The following TAFA5 variants were observed in gnomAD, a reference collection of about 807,000 sequenced individuals.
TAFA5 encodes the protein TAFA chemokine like family member 5, also known as chemokine-like protein TAFA-5.
TAFA5 carries 6 observed loss-of-function variants against 15.3 expected under a neutral mutation model. That is an observed-to-expected ratio of 0.39 (90% CI 0.21 to 0.77). The LOEUF is 0.77. Ranked by LOEUF, TAFA5 falls within the 30% of genes least tolerant of loss-of-function variation. The pLI is 0.41. For missense variants in TAFA5, 161 were observed against 193.1 expected, an observed-to-expected ratio of 0.83 and a Z score of 0.98; for synonymous variants, 103 against 80.7, an observed-to-expected ratio of 1.28 and a Z score of -1.48.
rs1253952808 is a variant in TAFA5 at position 48,668,695 on chromosome 22, G to C, written c.262+21949G>C. Among the ~76,000 whole-genome samples, 4 of 147,094 alleles carry C rather than the reference G, an allele frequency of 2.7e-5. 1 individual carries two copies. The highest frequency in any genetic ancestry group is 6.0e-5 in the Non-Finnish European group (4 of 66,330). ...CGGGAGCTGTAATCCCCCAGCACTC[G>C]GGGCCGCGTTTTCACTGGAAACTGT... On this transcript the variant is annotated intron_variant, in intron 2 of 3. Transcript: ENST00000402357.
rs1444423671 is a variant in TAFA5 at position 48,490,079 on chromosome 22, G to C, written c.112+375G>C. Among the ~76,000 whole-genome samples the C allele has an allele frequency of 1.3e-5, 2 of 152,124 alleles. No individual in the cohort carries two copies. Among genetic ancestry groups the C allele is most frequent in the African/African-American group, 4.8e-5 (2 of 41,550 alleles). On this transcript the variant is annotated intron_variant, in intron 1 of 3. Coordinates refer to ENST00000402357, the MANE Select transcript of TAFA5 (RefSeq NM_001082967.3). This position sits in a 1 kb window ranked among gnomAD's most constrained non-coding sequence, Gnocchi z 5.8. Reference sequence around the variant, plus strand: ...CCGCAGGTCGCGGAGGGCGGGCGGCGCTGCCGGGGTGTCTGCGGAGCGCCC... The same window carrying C: ...CCGCAGGTCGCGGAGGGCGGGCGGCCCTGCCGGGGTGTCTGCGGAGCGCCC...
intron 1 of TAFA5, chr22:48,545,258 C>G (rs1922622028): frequency 3.9e-6 from 1 of 258,668 alleles, no homozygotes; most frequent in Non-Finnish European, 7.7e-6. Context: ...CGTAAGGCCT[C>G]TGGTCTCGGA....
At chr22:48,535,749 G>A (rs906243050) in intron 1 of TAFA5, among the ~76,000 whole-genome samples, 19 of 149,298 alleles carry the variant, frequency 1.3e-4, no homozygotes, top group Non-Finnish European at 1.8e-4. Context: ...TCACACGCAC[G>A]GTCACACTGG....
intron 2 of TAFA5, among the ~76,000 whole-genome samples, chr22:48,690,593 C>G (rs1928508904): frequency 6.6e-6 from 1 of 152,182 alleles, no homozygotes; most frequent in African/African-American, 2.4e-5. Flanking sequence ...TGCTGTCACC[C>G]TCTTATCTTT....
At chr22:48,699,700 C>T (rs949628844) in intron 2 of TAFA5, among the ~76,000 whole-genome samples, 5 of 152,310 alleles carry the variant, frequency 3.3e-5, no homozygotes, top group East Asian at 1.9e-4. Context: ...ATGTCTCTTT[C>T]GGGTGAAGAC....
chr22:48,524,528 G>A (rs1244154861), intron 1 of TAFA5, among the ~76,000 whole-genome samples: 4 of 152,222 alleles, frequency 2.6e-5, no homozygotes, highest in African/African-American at 4.8e-5. Context: ...AGCCTGAGAT[G>A]CGGAAGAGGC....
At chr22:48,540,302 G>A (rs979230368) in intron 1 of TAFA5, among the ~76,000 whole-genome samples, 2 of 152,146 alleles carry the variant, frequency 1.3e-5, no homozygotes, top group Non-Finnish European at 2.9e-5. Flanking sequence ...CCAGGGCGGT[G>A]GGGGGAGGTG....
intron 3 of TAFA5, among the ~76,000 whole-genome samples, 179 bp downstream of exon 3, chr22:48,708,023 C>T (rs1929136977): frequency 6.7e-5 from 1 of 14,892 alleles, no homozygotes; most frequent in Admixed American, 7.1e-4. Context: ...TCCTGACCAT[C>T]TGTCCTGGGG....
intron 1 of TAFA5, among the ~76,000 whole-genome samples, chr22:48,592,847 C>T (rs575461353): frequency 6.6e-6 from 1 of 152,232 alleles, no homozygotes; most frequent in African/African-American, 2.4e-5. Flanking sequence ...TGGAGCTTCC[C>T]TGGAATCCCT....
At chr22:48,616,842 G>A (rs1217184856) in intron 1 of TAFA5, among the ~76,000 whole-genome samples, 1 of 152,206 alleles carries the variant, frequency 6.6e-6, no homozygotes, top group Non-Finnish European at 1.5e-5. Context: ...AGGTCCGTGG[G>A]GACCCCTAGG....
chr22:48,611,173 G>A (rs938989968), intron 1 of TAFA5, among the ~76,000 whole-genome samples: 8 of 152,150 alleles, frequency 5.3e-5, no homozygotes, highest in East Asian at 1.9e-4. Flanking sequence ...GACCTCAAGC[G>A]ATCCGCCCGC....
intron 2 of TAFA5, among the ~76,000 whole-genome samples, chr22:48,656,398 T>C (rs1399246288): frequency 6.6e-6 from 1 of 151,776 alleles, no homozygotes; most frequent in Non-Finnish European, 1.5e-5. Context: ...CTTAGCTACT[T>C]GGGAGGCTGA....
chr22:48,516,285 A>G (rs574749877), intron 1 of TAFA5, among the ~76,000 whole-genome samples: 2 of 152,152 alleles, frequency 1.3e-5, no homozygotes, highest in African/African-American at 2.4e-5. Context: ...TTTTAACTAC[A>G]TATTAACGGC....
At chr22:48,532,062 G>A (rs376508915) in intron 1 of TAFA5, among the ~76,000 whole-genome samples, 19 of 152,218 alleles carry the variant, frequency 1.2e-4, no homozygotes, top group African/African-American at 1.7e-4. Flanking sequence ...GCTCTCTCCC[G>A]AGCCCTGCTC....
intron 1 of TAFA5, among the ~76,000 whole-genome samples, chr22:48,529,618 G>A (rs1921905197): frequency 9.1e-6 from 1 of 109,796 alleles, no homozygotes; most frequent in African/African-American, 3.6e-5. Context: ...GGCAGGAGAT[G>A]GGGGTGTCCA....
chr22:48,614,940 A>G (rs1925543571), intron 1 of TAFA5, among the ~76,000 whole-genome samples: 1 of 152,208 alleles, frequency 6.6e-6, no homozygotes, highest in Admixed American at 6.5e-5. Context: ...CACCGGGGCC[A>G]GAAGCCACTG....
chr22:48,542,960 C>T (rs558847772), intron 1 of TAFA5, among the ~76,000 whole-genome samples: 1 of 145,666 alleles, frequency 6.9e-6, no homozygotes, highest in South Asian at 2.3e-4. Context: ...TGGTGTGTGT[C>T]GTGTGTGGTG....
chr22:48,608,561 G>A (rs562261388), intron 1 of TAFA5, among the ~76,000 whole-genome samples: 14 of 152,252 alleles, frequency 9.2e-5, no homozygotes, highest in South Asian at 6.2e-4. Flanking sequence ...GACATGCTGC[G>A]GTTTTCCCAG....
At chr22:48,545,046 A>C in intron 1 of TAFA5, 1 of 368,964 alleles carries the variant, frequency 2.7e-6, no homozygotes, top group Non-Finnish European at 5.5e-6. Context: ...AACAGGCGGA[A>C]GGACTCTCAG....
Sources: allele counts gnomAD v4.1 joint callset (sites outside exome capture counted in the v4.1 genomes callset), GRCh38; gene constraint gnomAD v4.1.1; non-coding constraint Gnocchi (gnomAD v3.1); transcripts MANE v1.5; gene names NCBI Gene and HGNC (gene_info 2026-07-23, HGNC 2026-07-21).